Variants in ADAMTS16 observed in about 807,000 individuals in gnomAD.
ADAMTS16 encodes the protein ADAM metallopeptidase with thrombospondin type 1 motif 16, also known as A disintegrin and metalloproteinase with thrombospondin motifs 16.
A neutral mutation model predicts 145.8 loss-of-function variants in ADAMTS16; 94 were observed. The observed-to-expected ratio is 0.64, with a 90% CI of 0.55 to 0.77. The LOEUF is 0.77. Among genes scored for constraint, ADAMTS16 ranks in the 30% least tolerant of loss-of-function variants. The pLI, the probability that ADAMTS16 is intolerant of heterozygous loss-of-function variation, is 0.00. For synonymous variants in ADAMTS16, 659 were observed against 604.3 expected (o/e 1.09, Z -1.33); for missense variants, 1,585 against 1,591.5 (o/e 1.00, Z 0.07).
intron 10 of ADAMTS16, among the ~76,000 whole-genome samples, 172 bp downstream of exon 10, chr5:5,209,418 C>T (rs184969976): frequency 3.4e-4 from 52 of 152,206 alleles, no homozygotes; most frequent in South Asian, 2.1e-4. Context: ...GCAAAGAAGA[C>T]GACAGGAGAT....
chr5:5,251,739 G>A (rs1004131603), intron 17 of ADAMTS16, among the ~76,000 whole-genome samples: 1 of 152,232 alleles, frequency 6.6e-6, no homozygotes, highest in Non-Finnish European at 1.5e-5. Context: ...TGCATCGTAG[G>A]ACCCCAGGCC....
intron 3 of ADAMTS16, among the ~76,000 whole-genome samples, chr5:5,150,991 A>C (rs1734438371): frequency 6.6e-6 from 1 of 152,122 alleles, no homozygotes; most frequent in Admixed American, 6.5e-5. Context: ...CTGAGGCTCC[A>C]TTCATTTTTT....
chr5:5,151,625 T>C (rs999706089), intron 3 of ADAMTS16, among the ~76,000 whole-genome samples: 3 of 147,442 alleles, frequency 2.0e-5, no homozygotes, highest in South Asian at 2.2e-4. Context: ...ACACACACAA[T>C]GAGAAGATTA....
At chr5:5,202,246 T>G (rs1370362680) in intron 9 of ADAMTS16, among the ~76,000 whole-genome samples, 4 of 152,198 alleles carry the variant, frequency 2.6e-5, no homozygotes, top group African/African-American at 9.7e-5. Flanking sequence ...GACTAAAGTA[T>G]GTTAACACAT....
intron 3 of ADAMTS16, among the ~76,000 whole-genome samples, chr5:5,174,366 T>C (rs757400228): frequency 1.3e-5 from 2 of 151,708 alleles, no homozygotes; most frequent in Non-Finnish European, 2.9e-5. Context: ...TCTTGTTGCT[T>C]TTAGGATTTT....
chr5:5,313,326 G>C (rs547325155), intron 21 of ADAMTS16, among the ~76,000 whole-genome samples: 4 of 152,346 alleles, frequency 2.6e-5, no homozygotes, highest in African/African-American at 4.8e-5. Context: ...GCTTATTCTT[G>C]TGACAGTCTA....
At chr5:5,308,598 C>A (rs890963640) in intron 21 of ADAMTS16, among the ~76,000 whole-genome samples, 10 of 152,196 alleles carry the variant, frequency 6.6e-5, no homozygotes, top group Admixed American at 5.9e-4. Context: ...AGAAAACAGA[C>A]AGCTGCCTGG....
At chr5:5,237,529 G>C (rs539834950) in intron 14 of ADAMTS16, among the ~76,000 whole-genome samples, 125 of 152,262 alleles carry the variant, frequency 8.2e-4, no homozygotes, top group South Asian at 1.5e-3. Flanking sequence ...GGGAAGGGTT[G>C]GGGTAAGAAG....
At chr5:5,212,908 C>G (rs1296169259) in intron 10 of ADAMTS16, among the ~76,000 whole-genome samples, 1 of 152,090 alleles carries the variant, frequency 6.6e-6, no homozygotes, top group African/African-American at 2.4e-5. Flanking sequence ...TTTTTAAATT[C>G]AGTATTTTAC....
At chr5:5,179,804 A>G (rs893103444) in intron 3 of ADAMTS16, among the ~76,000 whole-genome samples, 2 of 152,052 alleles carry the variant, frequency 1.3e-5, no homozygotes, top group African/African-American at 4.8e-5. Context: ...TCTACCCCCC[A>G]TGGTGGTGCT....
At position 5,185,913 on chromosome 5, in the gene ADAMTS16, G is replaced by A. The variant is rs185392338; in HGVS notation, c.764-139G>A. 5.3e-4 allele frequency: 372 copies of A among 704,600 alleles called. 1 individual carries two copies. The highest frequency in any genetic ancestry group is 3.2e-3 in the African/African-American group (182 of 56,518). The allele number at this position is 704,600 out of a possible 1,614,324, so 43.6% of individuals were successfully genotyped here. On this transcript the variant is annotated intron_variant, in intron 4 of 22. Coordinates refer to ENST00000274181, the MANE Select transcript of ADAMTS16 (RefSeq NM_139056.4). Reference sequence around the variant, plus strand: ...GTGTGCTACTTTAATACAAGTTTCTGCATCACAAGGTTTTAAAGGTTTATG... The same window carrying A: ...GTGTGCTACTTTAATACAAGTTTCTACATCACAAGGTTTTAAAGGTTTATG...
Position 5,140,517 on chromosome 5 carries a change from T to A in ADAMTS16, c.50T>A (p.Leu17Gln). 1.3e-6 allele frequency: 2 copies of A among 1,519,866 alleles called. No homozygotes were observed. Among genetic ancestry groups the A allele is most frequent in the Non-Finnish European group, 1.7e-6 (2 of 1,144,178 alleles). The allele number at this position is 1,519,866 out of a possible 1,614,324, so 94.1% of individuals were successfully genotyped here. The change falls in exon 1 of 23, where the codon CTG becomes CAG. Residue 17 changes from leucine to glutamine, a missense_variant. By Grantham distance (113) the Leu-to-Gln change is moderately radical. Around this residue, in one of 3 missense-constraint regions of ADAMTS16, gnomAD observed 453 missense variants for 412.1 expected, o/e 1.10. Transcript: ENST00000274181. Reference sequence around the variant, plus strand: ...CGGGGCTTGGCGGCGCTGTGGATGCTGTTGGCGCAGGTGGCCGAGCAGGTG... The same window carrying A: ...CGGGGCTTGGCGGCGCTGTGGATGCAGTTGGCGCAGGTGGCCGAGCAGGTG... The part of the protein sequence containing the change: ...GWRGLAALWM[L>Q]LAQVAEQAPA...
At chr5:5,312,744 C>T (rs887815485) in intron 21 of ADAMTS16, among the ~76,000 whole-genome samples, 3 of 152,204 alleles carry the variant, frequency 2.0e-5, no homozygotes, top group South Asian at 4.1e-4. Flanking sequence ...AGGCATGAGC[C>T]GCTGCACCCA....
chr5:5,156,756 T>C (rs1734614558), intron 3 of ADAMTS16, among the ~76,000 whole-genome samples: 1 of 152,210 alleles, frequency 6.6e-6, no homozygotes, highest in Admixed American at 6.5e-5. Context: ...TGTGTGTCTA[T>C]TTTCAGTCTA....
chr5:5,312,345 G>A (rs892777057), intron 21 of ADAMTS16, among the ~76,000 whole-genome samples: 4 of 152,104 alleles, frequency 2.6e-5, no homozygotes, highest in African/African-American at 9.7e-5. Flanking sequence ...TCCTTTGCAA[G>A]CATGTCCTAT....
chr5:5,141,756 C>G (rs1293344529), intron 2 of ADAMTS16, among the ~76,000 whole-genome samples: 2 of 152,140 alleles, frequency 1.3e-5, no homozygotes, highest in Admixed American at 6.5e-5. Flanking sequence ...TTAATATATG[C>G]ATTAACTTTT....
intron 18 of ADAMTS16, among the ~76,000 whole-genome samples, chr5:5,292,058 C>G (rs1224576825): frequency 1.3e-5 from 2 of 152,170 alleles, no homozygotes; most frequent in Non-Finnish European, 2.9e-5. Context: ...GAATGGCCCT[C>G]TCTAATGGAA....
At chr5:5,256,831 C>T (rs1367149974) in intron 17 of ADAMTS16, among the ~76,000 whole-genome samples, 9 of 152,206 alleles carry the variant, frequency 5.9e-5, no homozygotes, top group African/African-American at 9.6e-5. Flanking sequence ...AGAATCACAC[C>T]TCCTAAAAAG....
intron 17 of ADAMTS16, among the ~76,000 whole-genome samples, chr5:5,258,060 G>A (rs1737855395): frequency 6.6e-6 from 1 of 152,172 alleles, no homozygotes; most frequent in Non-Finnish European, 1.5e-5. Flanking sequence ...TGACCCCTTG[G>A]AGTTGGGATG....
Sources: gnomAD v4.1 joint callset for allele counts (sites outside exome capture counted in the v4.1 genomes callset) on GRCh38, gnomAD v4.1.1 for gene constraint, gnomAD v4.1.1 regional missense constraint, MANE v1.5 for transcripts, NCBI Gene and HGNC (gene_info 2026-07-23, HGNC 2026-07-21) for gene names.